RYR2: variants seen among roughly 807,000 people sequenced by gnomAD.
The protein encoded by RYR2 is ryanodine receptor 2.
RYR2 carries 227 observed loss-of-function variants against 601.1 expected under a neutral mutation model. The ratio of observed to expected loss-of-function variants is 0.38; its 90% CI spans 0.34 to 0.42. The LOEUF is 0.42. Ranked by LOEUF, RYR2 falls within the 10% of genes least tolerant of loss-of-function variation. The pLI, the probability that RYR2 is intolerant of heterozygous loss-of-function variation, is 1.00. For synonymous variants in RYR2, 2,223 were observed against 2,175.1 expected, an observed-to-expected ratio of 1.02 and a Z score of -0.61; for missense variants, 4,646 against 6,156.5, an observed-to-expected ratio of 0.75 and a Z score of 8.21.
rs114514045 is a variant in RYR2 at position 237,325,951 on chromosome 1, G to A, written c.169-4927G>A. 5.5e-3 allele frequency among the ~76,000 whole-genome samples: 837 copies of A among 152,288 alleles called. 5 individuals carry two copies. Among genetic ancestry groups the A allele is most frequent in the African/African-American group, 0.019 (783 of 41,588 alleles). ...CAAAGGCATCAGGATGTGAAATGGA[G>A]TAGTTTATTAGTATGCAGTTTTTAC... On this transcript the variant is annotated intron_variant, in intron 2 of 104. Transcript: ENST00000366574.
chr1:237,561,785 A>G (rs959468419), intron 27 of RYR2, among the ~76,000 whole-genome samples: 1 of 152,220 alleles, frequency 6.6e-6, no homozygotes, highest in Non-Finnish European at 1.5e-5. Flanking sequence ...CAATAGCAAT[A>G]TAACTACGGC....
chr1:237,735,420 T>C (rs1056700146), intron 79 of RYR2, among the ~76,000 whole-genome samples: 6 of 152,104 alleles, frequency 3.9e-5, no homozygotes, highest in Admixed American at 6.6e-5. Context: ...GAGAGAGCCA[T>C]CTAAGCACAC....
chr1:237,212,755 G>T (rs184029108), intron 1 of RYR2, among the ~76,000 whole-genome samples: 1 of 151,260 alleles, frequency 6.6e-6, no homozygotes, highest in Non-Finnish European at 1.5e-5. Flanking sequence ...ATTTTCCTGC[G>T]TGTTAACCAT....
intron 1 of RYR2, among the ~76,000 whole-genome samples, chr1:237,134,321 A>G (rs1303339053): frequency 2.0e-5 from 3 of 152,128 alleles, no homozygotes; most frequent in Non-Finnish European, 4.4e-5. Flanking sequence ...CATGCTGTTA[A>G]TCAAGACATA....
chr1:237,403,033 G>T (rs1408599671), intron 10 of RYR2, among the ~76,000 whole-genome samples: 2 of 152,168 alleles, frequency 1.3e-5, no homozygotes, highest in Admixed American at 1.3e-4. Flanking sequence ...AAAGGACAAG[G>T]GTGGGAGAGA....
At chr1:237,190,784 C>T (rs946410977) in intron 1 of RYR2, among the ~76,000 whole-genome samples, 1 of 152,160 alleles carries the variant, frequency 6.6e-6, no homozygotes, top group African/African-American at 2.4e-5. Flanking sequence ...TTCTAGTATC[C>T]ATTGGTTCTG....
At chr1:237,320,725 A>C (rs556264778) in intron 2 of RYR2, among the ~76,000 whole-genome samples, 157 of 152,378 alleles carry the variant, frequency 1.0e-3, no homozygotes, top group African/African-American at 3.7e-3. Flanking sequence ...ACCTGCAGTC[A>C]GCAAAGGAAA....
chr1:237,671,569 A>G (rs1684946212), intron 58 of RYR2, among the ~76,000 whole-genome samples: 1 of 151,732 alleles, frequency 6.6e-6, no homozygotes, highest in Non-Finnish European at 1.5e-5. Flanking sequence ...TAGAAATAAG[A>G]AGTCAGAAAC....
rs551908360 is a variant in RYR2, at chr1:237,261,979, G to A, written c.49-8518G>A. On this transcript the variant is annotated intron_variant, in intron 1 of 104. Coordinates refer to ENST00000366574, the MANE Select transcript of RYR2 (RefSeq NM_001035.3). Reference sequence around the variant, plus strand: ...TAGAATGCAAGCCTAATGAGTTCGGGGATCTTTTGTTTATTAGGCAATTTA... The same window carrying A: ...TAGAATGCAAGCCTAATGAGTTCGGAGATCTTTTGTTTATTAGGCAATTTA... Among the ~76,000 whole-genome samples, 6 of 151,962 alleles carry A rather than the reference G, an allele frequency of 3.9e-5. No individual in the cohort carries two copies. In the South Asian group the frequency reaches 1.3e-3, roughly 32 times the overall value.
At chr1:237,181,701 G>A (rs1011103208) in intron 1 of RYR2, among the ~76,000 whole-genome samples, 2 of 152,160 alleles carry the variant, frequency 1.3e-5, no homozygotes, top group Non-Finnish European at 2.9e-5. Context: ...CTGCACAATG[G>A]CTGCTGAGTG....
At chr1:237,805,780 C>T (rs1660573808) in intron 98 of RYR2, among the ~76,000 whole-genome samples, 2 of 151,916 alleles carry the variant, frequency 1.3e-5, no homozygotes, top group East Asian at 3.9e-4. Context: ...ACATTTATCA[C>T]TTCTTTGTGT....
intron 1 of RYR2, among the ~76,000 whole-genome samples, chr1:237,083,175 A>G (rs992664750): frequency 1.0e-3 from 152 of 152,310 alleles, no homozygotes; most frequent in African/African-American, 3.2e-3. Context: ...TAGGAGGAGA[A>G]AACCCTCTAA....
At chr1:237,615,267 C>T (rs1678340741) in intron 37 of RYR2, among the ~76,000 whole-genome samples, 1 of 152,198 alleles carries the variant, frequency 6.6e-6, no homozygotes, top group Admixed American at 6.5e-5. Context: ...TCATAGCTCA[C>T]TGCAGCCTAG....
intron 77 of RYR2, among the ~76,000 whole-genome samples, chr1:237,731,508 A>G (rs567722849): frequency 1.3e-5 from 2 of 152,276 alleles, no homozygotes; most frequent in East Asian, 1.9e-4. Flanking sequence ...TTGCACTGCT[A>G]TGGGAACTAA....
At chr1:237,708,808 G>T (rs2149066204) in intron 68 of RYR2, 50 bp from the exon 69 acceptor site, 1 of 1,506,456 alleles carries the variant, frequency 6.6e-7, no homozygotes, top group Non-Finnish European at 9.1e-7. Flanking sequence ...CTATCATCAT[G>T]TTAATGAATG....
rs1011279590 is a variant in RYR2 at position 237,605,190 on chromosome 1, G to A, written c.4683+3079G>A. On this transcript the variant is annotated intron_variant, in intron 35 of 104. Transcript: ENST00000366574. Reference sequence around the variant, plus strand: ...AATCCTCAATAAAATACTGGCAAACGGAATCCAGCAACACATCAAAAAGCT... The same window carrying A: ...AATCCTCAATAAAATACTGGCAAACAGAATCCAGCAACACATCAAAAAGCT... 2.7e-4 allele frequency among the ~76,000 whole-genome samples: 41 copies of A among 152,028 alleles called. 1 individual carries two copies. The highest frequency in any genetic ancestry group is 2.2e-3 in the Admixed American group (34 of 15,240).
chr1:237,767,830 G>A (rs16835759), intron 84 of RYR2, among the ~76,000 whole-genome samples: 11,166 of 152,052 alleles, frequency 0.073, 1,320 homozygotes, highest in African/African-American at 0.25. Flanking sequence ...ATGCAGAATC[G>A]ATCTTAAGGT....
At chr1:237,451,133 G>A (rs1318674965) in intron 14 of RYR2, among the ~76,000 whole-genome samples, 5 of 151,954 alleles carry the variant, frequency 3.3e-5, no homozygotes, top group African/African-American at 9.7e-5. Context: ...GTAGTGACTC[G>A]CACCTATAAT....
chr1:237,611,342 T>C (rs1191990153), intron 36 of RYR2, among the ~76,000 whole-genome samples: 1 of 152,134 alleles, frequency 6.6e-6, no homozygotes, highest in African/African-American at 2.4e-5. Context: ...AATAGTGAGA[T>C]ATTAGAGATG....
Sources: allele counts gnomAD v4.1 joint callset (sites outside exome capture counted in the v4.1 genomes callset), GRCh38; gene constraint gnomAD v4.1.1; transcripts MANE v1.5; gene names NCBI Gene and HGNC (gene_info 2026-07-23, HGNC 2026-07-21).